Variants in HSPA1L observed in about 807,000 individuals in gnomAD.
HSPA1L encodes heat shock 70 kDa protein 1-like.
HSPA1L carries 21 observed loss-of-function variants against 31.5 expected under a neutral mutation model. The observed-to-expected ratio is 0.67, with a 90% confidence interval of 0.47 to 0.96. The LOEUF (loss-of-function observed/expected upper bound fraction) is 0.96. Ranked by LOEUF, HSPA1L falls within the 40% of genes least tolerant of loss-of-function variation. The pLI is 0.00. For synonymous variants in HSPA1L, 293 were observed against 323.1 expected, an observed-to-expected ratio of 0.91 and a Z score of 1.00; for missense variants, 709 against 813.4, an observed-to-expected ratio of 0.87 and a Z score of 1.56.
chr6:31,815,270 CCAT>C lies in HSPA1L; in HGVS notation c.-398_-396del, dbSNP rs1815826179. On this transcript the variant is annotated 5_prime_UTR_variant, in exon 1 of 2. An upstream start codon of the reference 5' UTR is lost. Transcript: ENST00000375654. Reference sequence around the variant, plus strand: ...GCTGAAGCGCAGGCGGTCAGCATCGCCATGGAGACCAACACCCTTCCCACCGCC... The same window carrying C: ...GCTGAAGCGCAGGCGGTCAGCATCGCGGAGACCAACACCCTTCCCACCGCC... 2.6e-5 allele frequency among the ~76,000 whole-genome samples: 4 copies of C among 152,182 alleles called. No homozygotes were observed. In the South Asian group the frequency reaches 8.3e-4, roughly 32 times the overall value.
In HSPA1L at chr6:31,811,897, C is replaced by T. The variant is rs763355013; in HGVS notation, c.76G>A (p.Gly26Ser). The T allele has an allele frequency of 1.9e-5, 30 of 1,614,064 alleles. No homozygotes were observed. Among genetic ancestry groups the T allele is most frequent in the South Asian group, 1.8e-4 (16 of 91,084 alleles). ...TCGTTGGCGATGATCTCCACCTTGC[C>T]GTGCTGGAACACCCCCACACAGGAG... is the stretch of plus-strand genomic sequence containing the variant. ...TYSCVGVFQHGKVEIIANDQG... is the reference protein window; with the variant it reads ...TYSCVGVFQHSKVEIIANDQG... The change falls in exon 2 of 2, where the codon GGC becomes AGC. Residue 26 changes from glycine to serine, a missense_variant. Physicochemically the swap from Gly to Ser is moderately conservative, Grantham distance 56. Coordinates refer to ENST00000375654, the MANE Select transcript of HSPA1L (RefSeq NM_005527.4).
In HSPA1L at chr6:31,810,565, G is replaced by GT; in HGVS notation, c.1407dup (p.Pro470ThrfsTer12). 1 of 1,613,650 alleles carries GT rather than the reference G, an allele frequency of 6.2e-7. No homozygotes were observed. Among genetic ancestry groups the GT allele is most frequent in the Non-Finnish European group, 8.5e-7 (1 of 1,179,780 alleles). On this transcript the variant is annotated frameshift_variant, in exon 2 of 2. Transcript: ENST00000375654. LOFTEE classifies it high-confidence loss of function. ...ACCTCGATCTGAGGAACTCCCCTGG[G>GT]TGCTGGAGGGATTCCAGTCAGGTCA...
At position 31,811,140 on chromosome 6, in the gene HSPA1L, G is replaced by C. The variant is rs748610630; in HGVS notation, c.833C>G (p.Ser278Cys). 1.9e-6 allele frequency: 3 copies of C among 1,614,028 alleles called. No individual in the cohort carries two copies. The highest frequency in any genetic ancestry group is 2.2e-5 in the East Asian group (1 of 44,880). The change falls in exon 2 of 2, where the codon TCC (serine) becomes TGC (cysteine). Residue 278 changes from serine (S) to cysteine (C), a missense_variant. Coordinates refer to ENST00000375654, the MANE Select transcript of HSPA1L (RefSeq NM_005527.4). ...ACERAKRTLS[S>C]STQANLEIDS... ...AATTTCTAGGTTGGCCTGGGTGCTG[G>C]ACGACAGGGTCCTCTTGGCCCTCTC...
intron 1 of HSPA1L, among the ~76,000 whole-genome samples, chr6:31,813,835 CTATA>C (rs1300038698): frequency 6.6e-6 from 1 of 152,164 alleles, no homozygotes; most frequent in Non-Finnish European, 1.5e-5. Context: ...TGTCCTGTTC[CTATA>C]TATTTTACTG....
rs1815353072 is a variant in HSPA1L at position 31,810,775 on chromosome 6, G to T, written c.1198C>A (p.Pro400Thr). 6.2e-7 allele frequency: 1 copy of T among 1,614,134 alleles called. No individual in the cohort carries two copies. The highest frequency in any genetic ancestry group is 2.2e-5 in the East Asian group (1 of 44,888). Residue 400 changes from proline (P) to threonine (T), a missense_variant, in exon 2 of 2, where the codon CCC becomes ACC. Physicochemically the swap from Pro to Thr is conservative, Grantham distance 38. Coordinates refer to ENST00000375654, the MANE Select transcript of HSPA1L (RefSeq NM_005527.4). ...GCCGTCTCCAGCCCCAGGGACAGGGGAGCCACGTCCAGCAGCAGCAGGTCC... is the reference window on the plus strand; with the variant it reads ...GCCGTCTCCAGCCCCAGGGACAGGGTAGCCACGTCCAGCAGCAGCAGGTCC... The part of the protein sequence containing the change: ...VQDLLLLDVA[P>T]LSLGLETAGG...
At chr6:31,813,818 A>T (rs1039923985) in intron 1 of HSPA1L, among the ~76,000 whole-genome samples, 1 of 152,178 alleles carries the variant, frequency 6.6e-6, no homozygotes. Context: ...AAGTGACCTA[A>T]TTCTACTGTC....
At chr6:31,813,077 A>G (rs1318289644) in intron 1 of HSPA1L, among the ~76,000 whole-genome samples, 2 of 152,138 alleles carry the variant, frequency 1.3e-5, no homozygotes, top group Non-Finnish European at 2.9e-5. Flanking sequence ...CCCACCTCCA[A>G]GTCACCAAGT....
In HSPA1L at chr6:31,810,227, C is replaced by A. The variant is rs1208238536; in HGVS notation, c.1746G>T (p.Trp582Cys). The change falls in exon 2 of 2, where the codon TGG (tryptophan) becomes TGT (cysteine). Residue 582 changes from tryptophan (W) to cysteine (C), a missense_variant. Physicochemically the swap from Trp to Cys is radical, Grantham distance 215. Transcript: ENST00000375654. The stretch of plus-strand genomic sequence containing the variant: ...TCTCTGCCAGTTGATTGACCTCCAG[C>A]CACGAAAGGAGCTCGTTGCATTTAT... The part of the protein sequence containing the change: ...ILDKCNELLS[W>C]LEVNQLAEKD... 6 of 1,525,258 alleles carry A rather than the reference C, an allele frequency of 3.9e-6. No homozygotes were observed. The highest frequency in any genetic ancestry group is 5.3e-6 in the Non-Finnish European group (6 of 1,140,524). The allele number at this position is 1,525,258 out of a possible 1,614,324, so 94.5% of individuals were successfully genotyped here.
rs897388232 is a variant in HSPA1L at position 31,811,052 on chromosome 6, C to T, written c.921G>A (p.Leu307=). The stretch of plus-strand genomic sequence containing the variant: ...GGGTACCCCTAAACAGGTCTGCACA[C>T]AACTCTTCAAATCGAGCTCTGGTGA... ...TSITRARFEE[L]CADLFRGTLE... The change falls in exon 2 of 2, where the codon TTG becomes TTA. Residue 307 remains leucine (L), a synonymous_variant. Transcript: ENST00000375654. 14 of 1,614,100 alleles carry T rather than the reference C, an allele frequency of 8.7e-6. No individual in the cohort carries two copies. Among genetic ancestry groups the T allele is most frequent in the Non-Finnish European group, 1.1e-5 (13 of 1,180,052 alleles).
Position 31,811,666 on chromosome 6 carries a change from G to C in HSPA1L, c.307C>G (p.Pro103Ala). The change falls in exon 2 of 2, where the codon CCC becomes GCC. Residue 103 changes from proline to alanine, a missense_variant. Pro to Ala is a conservative substitution (Grantham distance 27). Coordinates refer to ENST00000375654, the MANE Select transcript of HSPA1L (RefSeq NM_005527.4). Reference protein sequence around the residue: ...PFQVINEGGKPKVLVSYKGEN... With the variant: ...PFQVINEGGKAKVLVSYKGEN... ...CCTTTGTAGGACACAAGGACTTTGG[G>C]CTTGCCTCCTTCATTAATCACTTGA... The C allele has an allele frequency of 6.2e-7, 1 of 1,614,162 alleles. No homozygotes were observed. Among genetic ancestry groups the C allele is most frequent in the Non-Finnish European group, 8.5e-7 (1 of 1,180,034 alleles).
rs566393477 is a variant in HSPA1L, at chr6:31,810,299, T to A, written c.1674A>T (p.Glu558Asp). The A allele has an allele frequency of 1.2e-5, 18 of 1,558,046 alleles. No homozygotes were observed. The highest frequency in any genetic ancestry group is 1.4e-5 in the Non-Finnish European group (16 of 1,155,738). ...ACTCACTAATCTTGCCCTTCAAACC[T>A]TCATCACTCACAACACTCTTCATGT... ...AFNMKSVVSD[E>D]GLKGKISESD... is the part of the protein sequence containing the mutation. Residue 558 changes from glutamate to aspartate, a missense_variant, in exon 2 of 2, where the codon GAA (glutamate) becomes GAT (aspartate). By Grantham distance (45) the Glu-to-Asp change is conservative (BLOSUM62 2). Coordinates refer to ENST00000375654, the MANE Select transcript of HSPA1L (RefSeq NM_005527.4).
Position 31,811,218 on chromosome 6 carries a change from T to G in HSPA1L, c.755A>C (p.Lys252Thr). 1 of 1,614,218 alleles carries G rather than the reference T, an allele frequency of 6.2e-7. No individual in the cohort carries two copies. Among genetic ancestry groups the G allele is most frequent in the East Asian group, 2.2e-5 (1 of 44,882 alleles). The stretch of plus-strand genomic sequence containing the variant: ...TCGCTTGTTCTGGCTGATGTCCTTT[T>G]TGTGTTTCCTCTTGAACTCCTCCAC... ...HFVEEFKRKH[K>T]KDISQNKRAV... Residue 252 changes from lysine to threonine, a missense_variant, in exon 2 of 2, where the codon AAA becomes ACA. By Grantham distance (78) the Lys-to-Thr change is moderately conservative. Transcript: ENST00000375654.
In HSPA1L at chr6:31,811,348, C is replaced by T. The variant is rs781761072; in HGVS notation, c.625G>A (p.Val209Met). The change falls in exon 2 of 2, where the codon GTG (valine) becomes ATG (methionine). Residue 209 changes from valine to methionine, a missense_variant. Transcript: ENST00000375654. ...CCATCATCTATGGTCAGAATTGACA[C>T]ATCAAATGTGCCTCCACCCAGATCA... ...IFDLGGGTFDVSILTIDDGIF... is the reference protein window; with the variant it reads ...IFDLGGGTFDMSILTIDDGIF... 6 of 1,614,100 alleles carry T rather than the reference C, an allele frequency of 3.7e-6. No individual in the cohort carries two copies. The highest frequency in any genetic ancestry group is 5.1e-6 in the Non-Finnish European group (6 of 1,180,058).
intron 1 of HSPA1L, among the ~76,000 whole-genome samples, chr6:31,813,673 T>C (rs1431618924): frequency 6.6e-6 from 1 of 152,226 alleles, no homozygotes; most frequent in Non-Finnish European, 1.5e-5. Context: ...ATAATGTTGC[T>C]ATGAGCAAGC....
In HSPA1L at chr6:31,809,811, C is replaced by T; in HGVS notation, c.*236G>A. ...AGAATGTTAGGGTGGCTGGAAATAA[C>T]AGACATTCAAATACATCACACGGTT... is the stretch of plus-strand genomic sequence containing the variant. On this transcript the variant is annotated 3_prime_UTR_variant, in exon 2 of 2. Transcript: ENST00000375654. 2 of 395,720 alleles carry T rather than the reference C, an allele frequency of 5.1e-6. No individual in the cohort carries two copies. The highest frequency in any genetic ancestry group is 8.9e-6 in the Non-Finnish European group (2 of 224,920). 24.5% of individuals were successfully genotyped at this position (395,720 alleles called of 1,614,324 possible).
In HSPA1L at chr6:31,810,785, C is replaced by T; in HGVS notation, c.1188G>A (p.Leu396=). Residue 396 remains leucine (L), a synonymous_variant, in exon 2 of 2, where the codon CTG becomes CTA. Transcript: ENST00000375654. ...GCCCCAGGGACAGGGGAGCCACGTC[C>T]AGCAGCAGCAGGTCCTGTACCTTCT... is the stretch of plus-strand genomic sequence containing the variant. ...KSEKVQDLLL[L]DVAPLSLGLE... 2 of 1,611,210 alleles carry T rather than the reference C, an allele frequency of 1.2e-6. No individual in the cohort carries two copies. Among genetic ancestry groups the T allele is most frequent in the Non-Finnish European group, 1.7e-6 (2 of 1,177,922 alleles).
Position 31,811,177 on chromosome 6 carries a change from G to A in HSPA1L, c.796C>T (p.Arg266Cys), listed in dbSNP as rs199532053. ...SQNKRAVRRL[R>C]TACERAKRTL... ...CTCTTGGCCCTCTCGCAGGCGGTGCGCAGCCGCCTCACGGCTCGCTTGTTC... is the reference window on the plus strand; with the variant it reads ...CTCTTGGCCCTCTCGCAGGCGGTGCACAGCCGCCTCACGGCTCGCTTGTTC... Residue 266 changes from arginine to cysteine, a missense_variant, in exon 2 of 2, where the codon CGC becomes TGC. By Grantham distance (180) the Arg-to-Cys change is radical. Coordinates refer to ENST00000375654, the MANE Select transcript of HSPA1L (RefSeq NM_005527.4). 169 of 1,614,072 alleles carry A rather than the reference G, an allele frequency of 1.0e-4. 1 individual carries two copies. The highest frequency in any genetic ancestry group is 1.3e-4 in the Non-Finnish European group (156 of 1,180,056).
rs747817123 is a variant in HSPA1L at position 31,811,787 on chromosome 6, T to C, written c.186A>G (p.Ala62=). The change falls in exon 2 of 2, where the codon GCA becomes GCG. Residue 62 remains alanine (A), a synonymous_variant. Coordinates refer to ENST00000375654, the MANE Select transcript of HSPA1L (RefSeq NM_005527.4). ...CAAAAACAGTGTTCTGGGGATTCAT[T>C]GCTACCTGGTTCTTGGCCGCATCCC... The part of the protein sequence containing the change: ...LIGDAAKNQV[A]MNPQNTVFDA... 3 of 1,614,080 alleles carry C rather than the reference T, an allele frequency of 1.9e-6. No homozygotes were observed. The highest frequency in any genetic ancestry group is 1.1e-5 in the South Asian group (1 of 91,090).
Position 31,810,286 on chromosome 6 carries a change from T to C in HSPA1L, c.1687A>G (p.Lys563Glu). The change falls in exon 2 of 2, where the codon AAG (lysine) becomes GAG (glutamate). Residue 563 changes from lysine (K) to glutamate (E), a missense_variant. Lys to Glu is a moderately conservative substitution (Grantham distance 56). Transcript: ENST00000375654. Reference protein sequence around the residue: ...SVVSDEGLKGKISESDKNKIL... With the variant: ...SVVSDEGLKGEISESDKNKIL... ...TTATTTTTATCAGACTCACTAATCT[T>C]GCCCTTCAAACCTTCATCACTCACA... 1 of 1,546,360 alleles carries C rather than the reference T, an allele frequency of 6.5e-7. No homozygotes were observed. The highest frequency in any genetic ancestry group is 8.7e-7 in the Non-Finnish European group (1 of 1,149,822).
Sources: gnomAD v4.1 joint callset for allele counts (sites outside exome capture counted in the v4.1 genomes callset) on GRCh38, gnomAD v4.1.1 for gene constraint, MANE v1.5 for transcripts, NCBI Gene and HGNC (gene_info 2026-07-23, HGNC 2026-07-21) for gene names.